Variants in EGLN3 observed in about 807,000 individuals in gnomAD.
EGLN3 encodes prolyl hydroxylase EGLN3.
Under a neutral mutation model 26.0 loss-of-function variants are expected in EGLN3, and 15 were observed. The ratio of observed to expected loss-of-function variants is 0.58; its 90% CI spans 0.39 to 0.89. The LOEUF (loss-of-function observed/expected upper bound fraction) is 0.89. EGLN3 is among the 40% of genes least tolerant of loss of function. EGLN3 has a pLI of 0.00. For synonymous variants in EGLN3, 147 were observed against 127.2 expected (o/e 1.16, Z -1.05); for missense variants, 238 against 311.6 (o/e 0.76, Z 1.78).
intron 1 of EGLN3, 22 bp downstream of exon 1, chr14:33,950,374 C>CA: frequency 3.1e-6 from 5 of 1,608,084 alleles, no homozygotes; most frequent in Non-Finnish European, 4.3e-6. Flanking sequence ...GCAGCTGCGG[C>CA]AGGGCGCCGA....
intron 1 of EGLN3, among the ~76,000 whole-genome samples, chr14:33,933,035 A>C (rs927377505): frequency 6.6e-5 from 10 of 152,202 alleles, no homozygotes; most frequent in Admixed American, 2.0e-4. Flanking sequence ...GTGTCTGAAA[A>C]GAAAAAGTAT....
At chr14:33,947,664 A>G (rs1039384458) in intron 1 of EGLN3, among the ~76,000 whole-genome samples, 1 of 152,218 alleles carries the variant, frequency 6.6e-6, no homozygotes, top group Non-Finnish European at 1.5e-5. Flanking sequence ...ACAAATGTAC[A>G]TATTGGCAAT....
chr14:33,934,035 T>G (rs1680698), intron 1 of EGLN3, among the ~76,000 whole-genome samples: 138,980 of 152,280 alleles, frequency 0.91, 63,945 homozygotes, highest in Non-Finnish European at 0.97. Context: ...ATTTGAAGTT[T>G]ACGCAAGTTT....
intron 1 of EGLN3, among the ~76,000 whole-genome samples, chr14:33,935,958 C>T (rs781476929): frequency 1.3e-5 from 2 of 152,048 alleles, no homozygotes; most frequent in African/African-American, 4.8e-5. Context: ...GGGGGCTGGG[C>T]GCGGTGGCTC....
At chr14:33,927,335 A>C (rs994351871) in intron 3 of EGLN3, among the ~76,000 whole-genome samples, 6 of 151,950 alleles carry the variant, frequency 3.9e-5, no homozygotes, top group African/African-American at 1.5e-4. Context: ...CACCCAGCTA[A>C]TTTTTAAATT....
At chr14:33,926,100 TCA>T (rs1420752376) in intron 4 of EGLN3, among the ~76,000 whole-genome samples, 178 bp from the exon 5 acceptor site, 1 of 152,216 alleles carries the variant, frequency 6.6e-6, no homozygotes, top group African/African-American at 2.4e-5. Context: ...CCCATATGCC[TCA>T]CAGACTGTGG....
chr14:33,944,953 C>T (rs2064507857), intron 1 of EGLN3, among the ~76,000 whole-genome samples: 1 of 152,212 alleles, frequency 6.6e-6, no homozygotes, highest in African/African-American at 2.4e-5. Flanking sequence ...CACACACACC[C>T]TCCTGCCTTT....
chr14:33,944,948 A>T (rs72552325), intron 1 of EGLN3, among the ~76,000 whole-genome samples: 5 of 152,170 alleles, frequency 3.3e-5, no homozygotes, highest in Admixed American at 1.3e-4. Context: ...TTAAACACAC[A>T]CACCCTCCTG....
intron 1 of EGLN3, among the ~76,000 whole-genome samples, chr14:33,936,764 C>T (rs1358185493): frequency 7.7e-6 from 1 of 130,512 alleles, no homozygotes; most frequent in Non-Finnish European, 1.7e-5. Context: ...GGAGGAAAGG[C>T]TGGAGAAAAA....
chr14:33,941,250 G>T (rs2138823229), intron 1 of EGLN3, among the ~76,000 whole-genome samples: 1 of 152,212 alleles, frequency 6.6e-6, no homozygotes, highest in Admixed American at 6.5e-5. Flanking sequence ...AGTGGAAATG[G>T]AGGACCATGA....
intron 2 of EGLN3, among the ~76,000 whole-genome samples, 179 bp downstream of exon 2, chr14:33,930,914 TTTC>T (rs1314594317): frequency 1.3e-5 from 2 of 152,210 alleles, no homozygotes; most frequent in Admixed American, 1.3e-4. Context: ...ACTTCATTGT[TTTC>T]TTCTTAACAA....
At chr14:33,936,915 A>G (rs1321644420) in intron 1 of EGLN3, among the ~76,000 whole-genome samples, 1 of 152,244 alleles carries the variant, frequency 6.6e-6, no homozygotes, top group Non-Finnish European at 1.5e-5. Flanking sequence ...AGAACTCAAA[A>G]AATCATTTGC....
In EGLN3 at chr14:33,924,623, G is replaced by A. The variant is rs953289911; in HGVS notation, c.*1268C>T. ...GGATTTTCAAGCAAGAAATTAAAGG[G>A]ATTTTTAAAACATGAAAGTAATACT... On this transcript the variant is annotated 3_prime_UTR_variant, in exon 5 of 5. Transcript: ENST00000250457. 1 of 152,080 alleles carries A rather than the reference G, an allele frequency of 6.6e-6. No homozygotes were observed. Among genetic ancestry groups the A allele is most frequent in the Non-Finnish European group, 1.5e-5 (1 of 68,012 alleles). 9.4% of individuals were successfully genotyped at this position (152,080 alleles called of 1,614,324 possible).
chr14:33,945,594 A>G (rs758053717), intron 1 of EGLN3, among the ~76,000 whole-genome samples: 2 of 152,220 alleles, frequency 1.3e-5, no homozygotes, highest in Non-Finnish European at 2.9e-5. Context: ...TGAAAAGAGG[A>G]TAAGAAATGA....
intron 1 of EGLN3, among the ~76,000 whole-genome samples, chr14:33,940,885 A>G (rs1165670091): frequency 6.6e-6 from 1 of 152,118 alleles, no homozygotes. Flanking sequence ...ACTTTCTAGC[A>G]TTGCTGTTTT....
chr14:33,930,957 G>A (rs1483854107), intron 2 of EGLN3, 139 bp downstream of exon 2: 3 of 1,285,078 alleles, frequency 2.3e-6, no homozygotes, highest in Non-Finnish European at 3.2e-6. Flanking sequence ...GTCGCAGGAG[G>A]TTATGAAATG....
intron 1 of EGLN3, among the ~76,000 whole-genome samples, chr14:33,941,409 GAA>G (rs912430192): frequency 7.1e-6 from 1 of 140,828 alleles, no homozygotes; most frequent in Non-Finnish European, 1.6e-5. Flanking sequence ...TCGAAACTGA[GAA>G]AAAAAAAAAA....
At chr14:33,927,150 C>CTTATTTAT in intron 3 of EGLN3, 117 bp from the exon 4 acceptor site, 3 of 233,168 alleles carry the variant, frequency 1.3e-5, no homozygotes, top group South Asian at 1.9e-4. Context: ...GAAGTCTACC[C>CTTATTTAT]TGATTTATTT....
At chr14:33,946,123 C>T (rs2064516106) in intron 1 of EGLN3, among the ~76,000 whole-genome samples, 1 of 152,068 alleles carries the variant, frequency 6.6e-6, no homozygotes, top group Admixed American at 6.6e-5. Context: ...ACCTGTAATC[C>T]CAGCACTTTG....
Sources: gnomAD v4.1 joint callset for allele counts (sites outside exome capture counted in the v4.1 genomes callset) on GRCh38, gnomAD v4.1.1 for gene constraint, MANE v1.5 for transcripts, NCBI Gene and HGNC (gene_info 2026-07-23, HGNC 2026-07-21) for gene names.